Variants in MAGI2 observed in about 807,000 individuals in gnomAD.
MAGI2 encodes membrane-associated guanylate kinase, WW and PDZ domain-containing protein 2.
A neutral mutation model predicts 133.3 loss-of-function variants in MAGI2; 35 were observed. The observed-to-expected ratio is 0.26, with a 90% CI of 0.20 to 0.35. MAGI2 has a LOEUF of 0.35. Among genes scored for constraint, MAGI2 ranks in the 10% least tolerant of loss-of-function variants. The probability of loss-of-function intolerance (pLI) is 1.00; values close to 1 mark genes in which losing one functional copy is unlikely to be tolerated. For missense variants in MAGI2, 1,636 were observed against 1,863.4 expected (o/e 0.88, Z 2.25); for synonymous variants, 729 against 710.6 (o/e 1.03, Z -0.41).
rs1232148668 is a variant in MAGI2 at position 79,453,351 on chromosome 7, G to A, written c.-31C>T. The A allele has an allele frequency of 8.9e-6, 14 of 1,574,458 alleles. No individual in the cohort carries two copies. The highest frequency in any genetic ancestry group is 1.1e-5 in the Non-Finnish European group (13 of 1,160,660). ...TGGGGCGAGTCGCCTCAGTTCCTGG[G>A]CTCCTTGGGGTTAGGGGGGCTGGTG... is the stretch of plus-strand genomic sequence containing the variant. On this transcript the variant is annotated 5_prime_UTR_variant, in exon 1 of 22. Transcript: ENST00000354212.
intron 20 of MAGI2, among the ~76,000 whole-genome samples, chr7:78,094,090 T>C (rs531935679): frequency 6.6e-6 from 1 of 152,314 alleles, no homozygotes. Flanking sequence ...ACACCACCGG[T>C]ACCAAGATAT....
chr7:78,997,429 C>G (rs1251754511), intron 2 of MAGI2, among the ~76,000 whole-genome samples: 1 of 151,890 alleles, frequency 6.6e-6, no homozygotes, highest in Admixed American at 6.6e-5. Context: ...CATGGAGAAA[C>G]CCTGTCTACT....
rs1827118749 is a variant in MAGI2, at chr7:78,180,822, A to G, written c.2312-2720T>C. 1.3e-5 allele frequency among the ~76,000 whole-genome samples: 2 copies of G among 151,908 alleles called. 1 individual carries two copies. Among genetic ancestry groups the G allele is most frequent in the South Asian group, 4.1e-4 (2 of 4,824 alleles). Reference sequence around the variant, plus strand: ...TGATTTATTTTTTATTTCTTTGTTAATTTTGAACACAGATTCAGAGGCTGC... The same window carrying G: ...TGATTTATTTTTTATTTCTTTGTTAGTTTTGAACACAGATTCAGAGGCTGC... On this transcript the variant is annotated intron_variant, in intron 13 of 21. Transcript: ENST00000354212.
At chr7:78,912,742 ATCAT>A (rs1029039336) in intron 2 of MAGI2, among the ~76,000 whole-genome samples, 37 of 146,838 alleles carry the variant, frequency 2.5e-4, no homozygotes, top group African/African-American at 9.0e-4. Flanking sequence ...TCATATATAT[ATCAT>A]TCATATATAT....
intron 2 of MAGI2, among the ~76,000 whole-genome samples, chr7:78,808,266 ATTT>A (rs1360853053): frequency 6.6e-6 from 1 of 151,566 alleles, no homozygotes; most frequent in Non-Finnish European, 1.5e-5. Context: ...TTAATTTATT[ATTT>A]TTTTTGAGAC....
At chr7:79,318,752 G>T (rs886650870) in intron 1 of MAGI2, among the ~76,000 whole-genome samples, 1 of 152,018 alleles carries the variant, frequency 6.6e-6, no homozygotes, top group African/African-American at 2.4e-5. Context: ...CTCACACGAC[G>T]TTGAAAAAAT....
intron 10 of MAGI2, among the ~76,000 whole-genome samples, chr7:78,216,497 T>C (rs1788286251): frequency 6.6e-6 from 1 of 152,176 alleles, no homozygotes; most frequent in Admixed American, 6.5e-5. Flanking sequence ...TCCCCATCCG[T>C]TTTTCTAGCC....
chr7:79,001,790 T>C (rs191308421), intron 2 of MAGI2, among the ~76,000 whole-genome samples: 49 of 152,318 alleles, frequency 3.2e-4, no homozygotes, highest in Middle Eastern at 3.4e-3. Context: ...CAAGAGACAA[T>C]GCATGCTGCC....
intron 2 of MAGI2, among the ~76,000 whole-genome samples, chr7:78,630,560 G>C (rs1023820841): frequency 3.3e-5 from 5 of 151,574 alleles, no homozygotes; most frequent in African/African-American, 1.2e-4. Context: ...GTGACTATAG[G>C]TGTGCGCCAC....
intron 6 of MAGI2, among the ~76,000 whole-genome samples, chr7:78,414,362 A>T (rs1291516775): frequency 3.3e-5 from 5 of 152,048 alleles, no homozygotes; most frequent in Admixed American, 1.3e-4. Flanking sequence ...AATTTTGTTT[A>T]ACAAAAACAT....
At chr7:79,325,817 A>T (rs567606360) in intron 1 of MAGI2, among the ~76,000 whole-genome samples, 1 of 152,190 alleles carries the variant, frequency 6.6e-6, no homozygotes, top group African/African-American at 2.4e-5. Flanking sequence ...ATAGGAAGGC[A>T]TTATTTTTAA....
intron 10 of MAGI2, among the ~76,000 whole-genome samples, chr7:78,214,335 C>T (rs1468445953): frequency 6.6e-6 from 1 of 152,150 alleles, no homozygotes; most frequent in Non-Finnish European, 1.5e-5. Context: ...TTCTAATCTT[C>T]AAGGCTAAAC....
At chr7:79,154,239 A>G (rs1403360623) in intron 1 of MAGI2, among the ~76,000 whole-genome samples, 1 of 152,220 alleles carries the variant, frequency 6.6e-6, no homozygotes, top group Non-Finnish European at 1.5e-5. Context: ...AGTATTCAAT[A>G]AAGTAGTCAT....
chr7:78,935,619 T>C (rs1799004), intron 2 of MAGI2, among the ~76,000 whole-genome samples: 50,048 of 151,858 alleles, frequency 0.33, 8,350 homozygotes, highest in South Asian at 0.42. Context: ...CTTATTATGT[T>C]TTTGGATGGA....
intron 1 of MAGI2, among the ~76,000 whole-genome samples, chr7:79,016,139 C>CAG: frequency 6.6e-6 from 1 of 152,026 alleles, no homozygotes; most frequent in East Asian, 1.9e-4. Flanking sequence ...GTAGTATGGG[C>CAG]AGAACTCCAG....
intron 7 of MAGI2, among the ~76,000 whole-genome samples, chr7:78,367,792 T>A (rs1364973022): frequency 6.6e-6 from 1 of 152,210 alleles, no homozygotes; most frequent in East Asian, 1.9e-4. Context: ...TAGCATTTAT[T>A]TGAAATATTT....
At chr7:78,044,003 T>C (rs1366511874) in intron 21 of MAGI2, among the ~76,000 whole-genome samples, 1 of 152,210 alleles carries the variant, frequency 6.6e-6, no homozygotes, top group Admixed American at 6.5e-5. Flanking sequence ...TTCTCTTTAC[T>C]CCTCTATTTT....
At chr7:79,035,491 C>T (rs1315122298) in intron 1 of MAGI2, among the ~76,000 whole-genome samples, 1 of 152,068 alleles carries the variant, frequency 6.6e-6, no homozygotes, top group East Asian at 1.9e-4. Flanking sequence ...ATTCAAATAC[C>T]TCTTTAAAAA....
chr7:79,161,305 AG>A, intron 1 of MAGI2, among the ~76,000 whole-genome samples: 1 of 152,006 alleles, frequency 6.6e-6, no homozygotes, highest in Non-Finnish European at 1.5e-5. Flanking sequence ...CACAAAGTAT[AG>A]GGTAAAAGCT....
Sources: allele counts gnomAD v4.1 joint callset (sites outside exome capture counted in the v4.1 genomes callset), GRCh38; gene constraint gnomAD v4.1.1; transcripts MANE v1.5; gene names NCBI Gene and HGNC (gene_info 2026-07-23, HGNC 2026-07-21).